The following SERGEF variants were observed in gnomAD, a reference collection of about 807,000 sequenced individuals.
SERGEF encodes secretion-regulating guanine nucleotide exchange factor.
Under a neutral mutation model 50.0 loss-of-function variants are expected in SERGEF, and 51 were observed. The observed-to-expected ratio is 1.02, with a 90% confidence interval of 0.81 to 1.29. SERGEF has a LOEUF of 1.29. Ranked by LOEUF, SERGEF falls within the 50% of genes most tolerant of loss-of-function variation. The pLI, the probability that SERGEF is intolerant of heterozygous loss-of-function variation, is 0.00. For synonymous variants in SERGEF, 205 were observed against 212.4 expected (o/e 0.97, Z 0.30); for missense variants, 521 against 557.0 (o/e 0.94, Z 0.65).
intron 9 of SERGEF, among the ~76,000 whole-genome samples, chr11:17,945,575 G>C (rs1852642381): frequency 6.6e-6 from 1 of 152,146 alleles, no homozygotes; most frequent in Non-Finnish European, 1.5e-5. Context: ...AGTTCTACTG[G>C]ACAGCACTGA....
At chr11:17,814,637 A>T (rs2133838061) in intron 10 of SERGEF, among the ~76,000 whole-genome samples, 2 of 152,248 alleles carry the variant, frequency 1.3e-5, no homozygotes, top group Middle Eastern at 3.4e-3. Context: ...AGGTTTTGCT[A>T]TTTTGATGCT....
At chr11:17,863,361 T>C (rs1282230054) in intron 10 of SERGEF, among the ~76,000 whole-genome samples, 2 of 152,220 alleles carry the variant, frequency 1.3e-5, no homozygotes, top group Non-Finnish European at 2.9e-5. Context: ...GTCTAAACAA[T>C]AAAGTCAATG....
rs1216872530 is a variant in SERGEF, at chr11:17,805,009, C to CA, written c.1049-16597dup. 3.3e-5 allele frequency among the ~76,000 whole-genome samples: 5 copies of CA among 152,182 alleles called. No individual in the cohort carries two copies. In the East Asian group the frequency reaches 7.7e-4, roughly 23 times the overall value. On this transcript the variant is annotated intron_variant, in intron 10 of 10. Coordinates refer to ENST00000265965, the MANE Select transcript of SERGEF (RefSeq NM_012139.4). ...CCATGATCATATATTACTTTCATAA[C>CA]AAAAAAAGTTTGGAAAACAAAGACT... is the stretch of plus-strand genomic sequence containing the variant.
chr11:17,814,287 A>G (rs1849926534), intron 10 of SERGEF, among the ~76,000 whole-genome samples: 1 of 152,238 alleles, frequency 6.6e-6, no homozygotes. Context: ...ATCCAGTTAA[A>G]GGCTCTAAAA....
chr11:17,890,818 G>A (rs1436280444), intron 9 of SERGEF, among the ~76,000 whole-genome samples: 1 of 152,152 alleles, frequency 6.6e-6, no homozygotes, highest in East Asian at 1.9e-4. Context: ...AGATGAACCT[G>A]TAACATCTTG....
intron 10 of SERGEF, among the ~76,000 whole-genome samples, chr11:17,870,063 T>C (rs1222323380): frequency 3.9e-5 from 6 of 152,030 alleles, no homozygotes; most frequent in African/African-American, 1.4e-4. Flanking sequence ...TAAATTCTCA[T>C]GAGATCTGAT....
intron 10 of SERGEF, among the ~76,000 whole-genome samples, chr11:17,838,841 T>C (rs1850451130): frequency 6.6e-6 from 1 of 152,170 alleles, no homozygotes; most frequent in Non-Finnish European, 1.5e-5. Context: ...AGCTCATGAG[T>C]GCCATTGGTG....
Position 18,010,061 on chromosome 11 carries a change from A to G in SERGEF, c.61-1985T>C, listed in dbSNP as rs770653528. 6 of 1,100,818 alleles carry G rather than the reference A, an allele frequency of 5.5e-6. No individual in the cohort carries two copies. The South Asian group carries it at 8.0e-5, about 15-fold the overall frequency. The allele number at this position is 1,100,818 out of a possible 1,614,324, so 68.2% of individuals were successfully genotyped here. On this transcript the variant is annotated intron_variant, in intron 1 of 10. Transcript: ENST00000265965. ...AAGATTTCAGAAATCTTTATAATTT[A>G]TTCAAGTACCTACTCCTAGCTGGTT...
At chr11:17,990,270 A>T (rs1853686150) in intron 7 of SERGEF, among the ~76,000 whole-genome samples, 1 of 152,206 alleles carries the variant, frequency 6.6e-6, no homozygotes, top group Non-Finnish European at 1.5e-5. Flanking sequence ...ATCACTTCAC[A>T]TTCTAGGTCT....
intron 9 of SERGEF, among the ~76,000 whole-genome samples, chr11:17,933,899 C>T (rs1351678268): frequency 6.6e-6 from 1 of 152,030 alleles, no homozygotes; most frequent in Non-Finnish European, 1.5e-5. Context: ...AACAGAGAGG[C>T]CCAGTCAGTT....
chr11:17,842,068 T>C (rs1162089824), intron 10 of SERGEF, among the ~76,000 whole-genome samples: 1 of 152,190 alleles, frequency 6.6e-6, no homozygotes, highest in Non-Finnish European at 1.5e-5. Flanking sequence ...TTTGCATGAC[T>C]GGTGCAATTT....
intron 4 of SERGEF, among the ~76,000 whole-genome samples, chr11:18,003,095 T>C (rs536627155): frequency 6.6e-6 from 1 of 152,326 alleles, no homozygotes; most frequent in South Asian, 2.1e-4. Context: ...ATGGGAACCA[T>C]GACCCGAAAT....
Position 17,788,285 on chromosome 11 carries a change from C to T in SERGEF, c.1177G>A (p.Ala393Thr). Reference sequence around the variant, plus strand: ...TGGCAGAGGGCCAAGGAGTGGCCAGCCCCACAGCCCACAAGGAGTCCTGAC... The same window carrying T: ...TGGCAGAGGGCCAAGGAGTGGCCAGTCCCACAGCCCACAAGGAGTCCTGAC... The part of the protein sequence containing the change: ...SSSGLLVGCG[A>T]GHSLALCQLP... Residue 393 changes from alanine (A) to threonine (T), a missense_variant, in exon 11 of 11, where the codon GCT (alanine) becomes ACT (threonine). Coordinates refer to ENST00000265965, the MANE Select transcript of SERGEF (RefSeq NM_012139.4). 4 of 1,614,180 alleles carry T rather than the reference C, an allele frequency of 2.5e-6. No individual in the cohort carries two copies. The highest frequency in any genetic ancestry group is 3.4e-6 in the Non-Finnish European group (4 of 1,180,036).
chr11:17,902,481 A>G (rs1019581309), intron 9 of SERGEF, among the ~76,000 whole-genome samples: 1 of 152,182 alleles, frequency 6.6e-6, no homozygotes, highest in Non-Finnish European at 1.5e-5. Context: ...GTGAGTGCAG[A>G]TGAACTAACT....
intron 10 of SERGEF, among the ~76,000 whole-genome samples, chr11:17,841,138 A>G (rs1850495097): frequency 6.6e-6 from 1 of 152,090 alleles, no homozygotes; most frequent in Non-Finnish European, 1.5e-5. Context: ...CAGCTACCAA[A>G]CAAGGCTGAC....
chr11:17,907,503 C>A (rs1156500881), intron 9 of SERGEF, among the ~76,000 whole-genome samples: 1 of 152,138 alleles, frequency 6.6e-6, no homozygotes, highest in Non-Finnish European at 1.5e-5. Flanking sequence ...ATGTTCTTTC[C>A]CTGTGTTTAA....
intron 9 of SERGEF, among the ~76,000 whole-genome samples, chr11:17,928,373 G>A (rs565423411): frequency 1.3e-5 from 2 of 152,234 alleles, no homozygotes; most frequent in South Asian, 4.2e-4. Context: ...CAGACCCACA[G>A]AGTCAGTCCA....
chr11:17,875,718 TTC>T (rs930770668), intron 10 of SERGEF, among the ~76,000 whole-genome samples: 3 of 152,254 alleles, frequency 2.0e-5, no homozygotes, highest in African/African-American at 7.2e-5. Flanking sequence ...CCTTTCACCA[TTC>T]TCTGTTTCAC....
At chr11:17,929,258 T>C (rs1852308345) in intron 9 of SERGEF, among the ~76,000 whole-genome samples, 2 of 152,308 alleles carry the variant, frequency 1.3e-5, no homozygotes, top group Non-Finnish European at 1.5e-5. Context: ...TCTTTCTACA[T>C]TTATTTTCAA....
Sources: allele counts gnomAD v4.1 joint callset (sites outside exome capture counted in the v4.1 genomes callset), GRCh38; gene constraint gnomAD v4.1.1; transcripts MANE v1.5; gene names NCBI Gene and HGNC (gene_info 2026-07-23, HGNC 2026-07-21).